DPP6: variants seen among roughly 807,000 people sequenced by gnomAD.
DPP6 encodes the protein A-type potassium channel modulatory protein DPP6.
In DPP6, 69 loss-of-function variants were observed where a neutral mutation model predicts 122.6. That is an observed-to-expected ratio of 0.56 (90% CI 0.46 to 0.69). The LOEUF is 0.69. DPP6 is among the 30% of genes least tolerant of loss of function. DPP6 has a pLI of 0.00. For missense variants in DPP6, 928 were observed against 1,116.9 expected, an observed-to-expected ratio of 0.83 and a Z score of 2.41; for synonymous variants, 418 against 433.1, an observed-to-expected ratio of 0.97 and a Z score of 0.43.
At chr7:154,673,542 C>G (rs915137635) in intron 7 of DPP6, among the ~76,000 whole-genome samples, 2 of 152,062 alleles carry the variant, frequency 1.3e-5, no homozygotes, top group Non-Finnish European at 2.9e-5. Context: ...TGGGAGGAGG[C>G]CCCCAGGCTG....
intron 1 of DPP6, among the ~76,000 whole-genome samples, chr7:154,076,984 T>C (rs1490582730): frequency 6.6e-6 from 1 of 152,222 alleles, no homozygotes; most frequent in African/African-American, 2.4e-5. Flanking sequence ...ATTTCAATAC[T>C]TAAAGTTTAC....
At chr7:154,036,858 A>T (rs1799561137) in intron 1 of DPP6, among the ~76,000 whole-genome samples, 1 of 152,140 alleles carries the variant, frequency 6.6e-6, no homozygotes, top group Non-Finnish European at 1.5e-5. Context: ...ACTCATCCAT[A>T]ATCCATGTCC....
chr7:154,387,135 G>T (rs1156799790), intron 1 of DPP6, among the ~76,000 whole-genome samples: 4 of 152,152 alleles, frequency 2.6e-5, no homozygotes, highest in Admixed American at 1.3e-4. Flanking sequence ...CAGCATCATT[G>T]CTCTAGAACT....
At chr7:154,728,091 G>C (rs1016228700) in intron 8 of DPP6, among the ~76,000 whole-genome samples, 2 of 152,218 alleles carry the variant, frequency 1.3e-5, no homozygotes, top group Non-Finnish European at 1.5e-5. Flanking sequence ...CTGTTGTCAG[G>C]GGCCTGCAGT....
intron 3 of DPP6, among the ~76,000 whole-genome samples, chr7:154,493,234 C>G (rs1428016907): frequency 6.6e-6 from 1 of 152,152 alleles, no homozygotes; most frequent in African/African-American, 2.4e-5. Context: ...CTCCTTGGTG[C>G]TTTTGGGTCA....
chr7:154,503,475 G>A (rs908051494), intron 3 of DPP6, among the ~76,000 whole-genome samples: 1 of 152,164 alleles, frequency 6.6e-6, no homozygotes, highest in Non-Finnish European at 1.5e-5. Flanking sequence ...GGCAAGGTGG[G>A]CTCTCTTGAC....
intron 1 of DPP6, among the ~76,000 whole-genome samples, chr7:154,444,921 A>G (rs1819725725): frequency 6.6e-6 from 1 of 152,226 alleles, no homozygotes; most frequent in African/African-American, 2.4e-5. Flanking sequence ...CTCTCTGTAG[A>G]TGAATTAAGT....
chr7:153,871,753 A>T, the DPP6 span, among the ~76,000 whole-genome samples: 1 of 152,134 alleles, frequency 6.6e-6, no homozygotes, highest in African/African-American at 2.4e-5. Context: ...TCACGCTGGG[A>T]GCTATAGACT....
chr7:153,945,046 A>G (rs1801884913), intron 1 of DPP6, among the ~76,000 whole-genome samples: 1 of 152,088 alleles, frequency 6.6e-6, no homozygotes, highest in African/African-American at 2.4e-5. Flanking sequence ...GTGTTGGCTT[A>G]GGGTAACTGA....
chr7:154,872,774 TAAGAA>T (rs773284479), intron 19 of DPP6, 81 bp downstream of exon 19: 29 of 1,546,716 alleles, frequency 1.9e-5, no homozygotes, highest in Admixed American at 3.9e-5. Flanking sequence ...ATTGAACTCT[TAAGAA>T]AAGATAAGCA....
intron 10 of DPP6, among the ~76,000 whole-genome samples, chr7:154,784,398 G>A (rs1286650072): frequency 2.6e-5 from 4 of 152,106 alleles, no homozygotes; most frequent in South Asian, 2.1e-4. Context: ...AGCAAAGCCC[G>A]CAGAGAGCTC....
the DPP6 span, among the ~76,000 whole-genome samples, chr7:153,826,161 T>G: frequency 3.3e-5 from 5 of 152,118 alleles, no homozygotes. Context: ...CAGGGCCATC[T>G]CCAAGGAAGA....
At chr7:154,357,888 G>A (rs1179776101) in intron 1 of DPP6, among the ~76,000 whole-genome samples, 1 of 151,834 alleles carries the variant, frequency 6.6e-6, no homozygotes, top group African/African-American at 2.4e-5. Flanking sequence ...GTTGCAGTGA[G>A]CTGAGATTGC....
At chr7:153,806,969 C>T in the DPP6 span, among the ~76,000 whole-genome samples, 47 of 152,152 alleles carry the variant, frequency 3.1e-4, no homozygotes, top group East Asian at 4.4e-3. Flanking sequence ...TGAAGGACCC[C>T]TCCGGCCTTT....
intron 5 of DPP6, among the ~76,000 whole-genome samples, chr7:154,599,520 TATC>T (rs1417459042): frequency 6.9e-6 from 1 of 144,984 alleles, no homozygotes; most frequent in African/African-American, 2.7e-5. Flanking sequence ...TTATTATTAT[TATC>T]ATTATACTTT....
At chr7:154,470,648 C>A (rs1177382191) in intron 2 of DPP6, among the ~76,000 whole-genome samples, 1 of 152,110 alleles carries the variant, frequency 6.6e-6, no homozygotes, top group African/African-American at 2.4e-5. Flanking sequence ...CATTGGCCAC[C>A]GTAAAGAGTA....
intron 7 of DPP6, among the ~76,000 whole-genome samples, chr7:154,702,523 A>G (rs1184674817): frequency 1.3e-5 from 2 of 152,258 alleles, no homozygotes; most frequent in African/African-American, 4.8e-5. Context: ...CTGGTTGCTG[A>G]TATGGAGAAA....
intron 1 of DPP6, among the ~76,000 whole-genome samples, chr7:154,331,647 C>T (rs1205001954): frequency 6.6e-6 from 1 of 152,196 alleles, no homozygotes; most frequent in Non-Finnish European, 1.5e-5. Context: ...CGTGTGTGAG[C>T]TCTACCATCC....
chr7:154,056,411 A>C (rs1314830816), intron 1 of DPP6, among the ~76,000 whole-genome samples: 3 of 152,230 alleles, frequency 2.0e-5, no homozygotes, highest in African/African-American at 7.2e-5. Context: ...GGAATGTATT[A>C]ACTTTCATTT....
Sources: allele counts gnomAD v4.1 joint callset (sites outside exome capture counted in the v4.1 genomes callset), GRCh38; gene constraint gnomAD v4.1.1; transcripts MANE v1.5; gene names NCBI Gene and HGNC (gene_info 2026-07-23, HGNC 2026-07-21).